The following RPL8 variants were observed in gnomAD, a reference collection of about 807,000 sequenced individuals.
RPL8 encodes ribosomal protein L8.
For synonymous variants in RPL8, 182 were observed against 143.2 expected (o/e 1.27, Z -1.94); for missense variants, 248 against 365.9 (o/e 0.68, Z 2.63).
At position 144,790,568 on chromosome 8, in the gene RPL8, A is replaced by G. The variant is rs1826470443; in HGVS notation, c.500-98T>C. 4 of 942,456 alleles carry G rather than the reference A, an allele frequency of 4.2e-6. No individual in the cohort carries two copies. In the African/African-American group the frequency reaches 6.5e-5, roughly 15 times the overall value. 58.4% of individuals were successfully genotyped at this position (942,456 alleles called of 1,614,324 possible). ...ATGCACCTTCCCAATACTGCATCCA[A>G]CTACCCAGCAAAAAGCCCACTCGCC... On this transcript the variant is annotated intron_variant, in intron 3 of 4. Coordinates refer to ENST00000528957, the MANE Select transcript of RPL8 (RefSeq NM_001317782.2).
chr8:144,791,695 C>A (rs557142183), intron 2 of RPL8, 78 bp downstream of exon 2: 100 of 1,593,538 alleles, frequency 6.3e-5, no homozygotes, highest in Non-Finnish European at 8.0e-5. Flanking sequence ...GTTCCCATAT[C>A]GGCTTAGGAC....
At chr8:144,790,291 T>C in intron 4 of RPL8, 64 bp downstream of exon 4, 1 of 1,373,228 alleles carries the variant, frequency 7.3e-7, no homozygotes, top group Non-Finnish European at 1.0e-6. Context: ...GGATGGGACT[T>C]GCCTACCCAA....
intron 4 of RPL8, 25 bp from the exon 5 acceptor site, chr8:144,789,987 A>G (rs760147569): frequency 6.3e-7 from 1 of 1,589,030 alleles, no homozygotes; most frequent in East Asian, 2.2e-5. Flanking sequence ...AGATGGCTTT[A>G]GAAACCTCTT....
At chr8:144,791,746 A>G in intron 2 of RPL8, 27 bp downstream of exon 2, 1 of 1,611,746 alleles carries the variant, frequency 6.2e-7, no homozygotes, top group Non-Finnish European at 8.5e-7. Flanking sequence ...CCCCACCCCG[A>G]CCTTCCTTCC....
rs1826559757 is a variant in RPL8 at position 144,792,186 on chromosome 8, C to T, written c.-57G>A. The T allele has an allele frequency of 7.0e-6, 10 of 1,431,640 alleles. No homozygotes were observed. The highest frequency in any genetic ancestry group is 9.1e-6 in the Non-Finnish European group (10 of 1,101,636). The allele number at this position is 1,431,640 out of a possible 1,614,324, so 88.7% of individuals were successfully genotyped here. A position where few individuals can be genotyped will look rare whatever the true frequency, so the allele number is the denominator to read the frequency against. ...GCGCGGCCGGGCGGCCCGGGTACCC[C>T]CGCCAGCCCGGCTTTCCGGGACCCC... On this transcript the variant is annotated 5_prime_UTR_variant, in exon 1 of 5. Transcript: ENST00000528957.
At chr8:144,790,516 A>AC in intron 3 of RPL8, 46 bp from the exon 4 acceptor site, 1 of 1,414,780 alleles carries the variant, frequency 7.1e-7, no homozygotes, top group Non-Finnish European at 1.0e-6. Context: ...CGGTCAGAGC[A>AC]CCCCCACCTC....
chr8:144,791,522 T>A, intron 2 of RPL8, 27 bp from the exon 3 acceptor site: 1 of 1,608,998 alleles, frequency 6.2e-7, no homozygotes, highest in Non-Finnish European at 8.5e-7. Context: ...CATCAGGCCG[T>A]CAGCACAGTA....
chr8:144,791,731 C>T (rs1339976015), intron 2 of RPL8, 42 bp downstream of exon 2: 3 of 1,611,658 alleles, frequency 1.9e-6, no homozygotes, highest in East Asian at 2.2e-5. Context: ...AACACCCAGA[C>T]CCCTCCCCAC....
In RPL8 at chr8:144,791,830, G is replaced by C. The variant is rs759495811; in HGVS notation, c.223C>G (p.Leu75Val). 3 of 1,613,906 alleles carry C rather than the reference G, an allele frequency of 1.9e-6. No homozygotes were observed. The highest frequency in any genetic ancestry group is 2.2e-5 in the East Asian group (1 of 44,876). The change falls in exon 2 of 5, where the codon CTG (leucine) becomes GTG (valine). Residue 75 changes from leucine (L) to valine (V), a missense_variant. By Grantham distance (32) the Leu-to-Val change is conservative. Coordinates refer to ENST00000528957, the MANE Select transcript of RPL8 (RefSeq NM_001317782.2). ...TGAATGCCCTCGGCGGCAATGAACA[G>C]CTCCGTCCGCTTCTTAAACCGATAC... is the stretch of plus-strand genomic sequence containing the variant. ...DPYRFKKRTE[L>V]FIAAEGIHTG...
intron 2 of RPL8, 93 bp downstream of exon 2, chr8:144,791,680 G>T (rs1826524713): frequency 1.9e-6 from 3 of 1,579,618 alleles, no homozygotes; most frequent in Non-Finnish European, 2.6e-6. Context: ...GCTTCTGCCT[G>T]CGAGGTTCCC....
chr8:144,790,983 G>A, intron 3 of RPL8: 1 of 496,350 alleles, frequency 2.0e-6, no homozygotes, highest in South Asian at 2.0e-5. Context: ...TAAAAAGGCT[G>A]TTAACCAACT....
Position 144,791,347 on chromosome 8 carries a change from G to A in RPL8, c.429C>T (p.Thr143=). 3.1e-6 allele frequency: 5 copies of A among 1,613,506 alleles called. No individual in the cohort carries two copies. The highest frequency in any genetic ancestry group is 1.7e-4 in the Middle Eastern group (1 of 5,852). The change falls in exon 3 of 5, where the codon ACC becomes ACT. Residue 143 remains threonine (T), a synonymous_variant. Coordinates refer to ENST00000528957, the MANE Select transcript of RPL8 (RefSeq NM_001317782.2). ...AGGGCAGCTTCACACGGGTCTTCTT[G>A]GTCTCAGGGTTGTGGGAGATAACGG... ...YATVISHNPE[T]KKTRVKLPSG...
rs745584405 is a variant in RPL8, at chr8:144,791,477, T to C, written c.299A>G (p.Asn100Ser). 11 of 1,613,608 alleles carry C rather than the reference T, an allele frequency of 6.8e-6. No individual in the cohort carries two copies. The highest frequency in any genetic ancestry group is 6.6e-5 in the South Asian group (6 of 91,086). ...AGGCATGGTGCCCACAGGGAGCACATTGCCAATGTTGAGCTGGGCTGCAAG... is the reference window on the plus strand; with the variant it reads ...AGGCATGGTGCCCACAGGGAGCACACTGCCAATGTTGAGCTGGGCTGCAAG... Reference protein sequence around the residue: ...CGKKAQLNIGNVLPVGTMPEG... With the variant: ...CGKKAQLNIGSVLPVGTMPEG... The change falls in exon 3 of 5, where the codon AAT becomes AGT. Residue 100 changes from asparagine to serine, a missense_variant. By Grantham distance (46) the Asn-to-Ser change is conservative. Transcript: ENST00000528957.
chr8:144,789,914 G>A lies in RPL8; in HGVS notation c.664C>T (p.Pro222Ser). 1 of 1,613,342 alleles carries A rather than the reference G, an allele frequency of 6.2e-7. No homozygotes were observed. The highest frequency in any genetic ancestry group is 8.5e-7 in the Non-Finnish European group (1 of 1,179,846). The change falls in exon 5 of 5, where the codon CCC becomes TCC. Residue 222 changes from proline (P) to serine (S), a missense_variant. Pro to Ser is a moderately conservative substitution (Grantham distance 74). Transcript: ENST00000528957. ...GGGGCATCTCTGCGGATGGTGGAGG[G>A]CTTGCCGATGTGCTGGTGGTTGCCA... ...GGGNHQHIGK[P>S]STIRRDAPAG...
At chr8:144,790,742 G>T (rs568907762) in intron 3 of RPL8, 5 of 655,322 alleles carry the variant, frequency 7.6e-6, no homozygotes, top group South Asian at 4.5e-5. Flanking sequence ...CCATGTGTGA[G>T]ACGTCAGGCC....
rs917614289 is a variant in RPL8, at chr8:144,792,218, G to C, written c.-89C>G. The C allele has an allele frequency of 7.2e-6, 10 of 1,390,298 alleles. No homozygotes were observed. Among genetic ancestry groups the C allele is most frequent in the African/African-American group, 1.5e-5 (1 of 65,240 alleles). 86.1% of individuals were successfully genotyped at this position (1,390,298 alleles called of 1,614,324 possible). A position where few individuals can be genotyped will look rare whatever the true frequency, so the allele number is the denominator to read the frequency against. On this transcript the variant is annotated 5_prime_UTR_variant, in exon 1 of 5. Transcript: ENST00000528957. ...CCCGGCTTTCCGGGACCCCGCCCCC[G>C]AGGCCGCCGCGCCCACCACTCCCTA...
Position 144,790,415 on chromosome 8 carries a change from C to G in RPL8, c.555G>C (p.Ala185=). The G allele has an allele frequency of 6.2e-7, 1 of 1,614,168 alleles. No individual in the cohort carries two copies. ...TCCTCTTTGCCTTATATTTGTGGTA[C>G]GCCCGGCCAGCCTTCAAGATGGGTT... ...IDKPILKAGR[A]YHKYKAKRNC... Residue 185 remains alanine, a synonymous_variant, in exon 4 of 5, where the codon GCG becomes GCC. Transcript: ENST00000528957.
intron 3 of RPL8, 175 bp from the exon 4 acceptor site, chr8:144,790,645 A>T: frequency 1.4e-6 from 1 of 689,844 alleles, no homozygotes. Context: ...AGTTTCTTCA[A>T]TCCACAATGG....
Position 144,792,178 on chromosome 8 carries a change from G to C in RPL8, c.-49C>G. The C allele has an allele frequency of 2.1e-6, 3 of 1,440,572 alleles. No individual in the cohort carries two copies. Among genetic ancestry groups the C allele is most frequent in the Non-Finnish European group, 1.8e-6 (2 of 1,105,740 alleles). 89.2% of individuals were successfully genotyped at this position (1,440,572 alleles called of 1,614,324 possible). On this transcript the variant is annotated 5_prime_UTR_variant, in exon 1 of 5. Coordinates refer to ENST00000528957, the MANE Select transcript of RPL8 (RefSeq NM_001317782.2). Reference sequence around the variant, plus strand: ...CACGATTAGCGCGGCCGGGCGGCCCGGGTACCCCCGCCAGCCCGGCTTTCC... The same window carrying C: ...CACGATTAGCGCGGCCGGGCGGCCCCGGTACCCCCGCCAGCCCGGCTTTCC...
Sources: allele counts gnomAD v4.1 joint callset, GRCh38; gene constraint gnomAD v4.1.1; transcripts MANE v1.5; gene names NCBI Gene and HGNC (gene_info 2026-07-23, HGNC 2026-07-21).